XKR6: variants seen among roughly 807,000 people sequenced by gnomAD.
XKR6 encodes the protein XK-related protein 6.
Under a neutral mutation model 56.7 loss-of-function variants are expected in XKR6, and 22 were observed. That is an observed-to-expected ratio of 0.39 (90% CI 0.28 to 0.55). The LOEUF (loss-of-function observed/expected upper bound fraction) is 0.55. Among genes scored for constraint, XKR6 ranks in the 20% least tolerant of loss-of-function variants. The probability of loss-of-function intolerance (pLI) is 0.66; values close to 1 mark genes in which losing one functional copy is unlikely to be tolerated. For missense variants in XKR6, 852 were observed against 889.0 expected (o/e 0.96, Z 0.53); for synonymous variants, 524 against 387.8 (o/e 1.35, Z -4.13).
chr8:11,028,146 A>C (rs1798913067), intron 1 of XKR6, among the ~76,000 whole-genome samples: 1 of 152,142 alleles, frequency 6.6e-6, no homozygotes, highest in African/African-American at 2.4e-5. Flanking sequence ...AACCCCGGCA[A>C]CCACCGAGAT....
At chr8:11,083,730 G>C (rs530556182) in intron 1 of XKR6, among the ~76,000 whole-genome samples, 2 of 152,178 alleles carry the variant, frequency 1.3e-5, no homozygotes, top group African/African-American at 2.4e-5. Context: ...GGAATGCTTA[G>C]TATCAATAAG....
At chr8:11,102,977 T>A (rs977067376) in intron 1 of XKR6, among the ~76,000 whole-genome samples, 1 of 152,186 alleles carries the variant, frequency 6.6e-6, no homozygotes, top group African/African-American at 2.4e-5. Flanking sequence ...ACACAAAGAT[T>A]AGAGAAACGG....
chr8:11,152,365 C>T (rs139129934), intron 1 of XKR6, among the ~76,000 whole-genome samples: 58 of 152,250 alleles, frequency 3.8e-4, no homozygotes, highest in Admixed American at 9.2e-4. Flanking sequence ...CTTATCTACG[C>T]CAGTCAAGGT....
chr8:10,993,207 G>A (rs1239168235), intron 1 of XKR6, among the ~76,000 whole-genome samples: 1 of 152,226 alleles, frequency 6.6e-6, no homozygotes, highest in Non-Finnish European at 1.5e-5. Context: ...TAGCTCTCGC[G>A]CCCAGGCGAG....
intron 1 of XKR6, chr8:11,137,836 T>C: frequency 2.7e-6 from 1 of 369,574 alleles, no homozygotes; most frequent in Non-Finnish European, 5.3e-6. Flanking sequence ...AATCTTCAAT[T>C]AAGGCAAATG....
Position 11,089,117 on chromosome 8 carries a change from C to A in XKR6, c.764+111459G>T, listed in dbSNP as rs374654404. 8.9e-4 allele frequency among the ~76,000 whole-genome samples: 136 copies of A among 152,240 alleles called. 2 individuals carry two copies. The highest frequency in any genetic ancestry group is 3.2e-3 in the African/African-American group (133 of 41,548). On this transcript the variant is annotated intron_variant, in intron 1 of 2. Transcript: ENST00000416569. ...TAGGACGTGACCTGGGACCCTACGG[C>A]TGGAACATCAGGTCCACTGGAGCAT... is the stretch of plus-strand genomic sequence containing the variant.
At chr8:11,173,474 C>G (rs1802490379) in intron 1 of XKR6, among the ~76,000 whole-genome samples, 1 of 151,832 alleles carries the variant, frequency 6.6e-6, no homozygotes, top group Non-Finnish European at 1.5e-5. Flanking sequence ...GATGGCACAG[C>G]ATCGTCAGAA....
intron 1 of XKR6, among the ~76,000 whole-genome samples, chr8:11,160,015 T>G (rs1695900403): frequency 6.6e-6 from 1 of 152,226 alleles, no homozygotes; most frequent in African/African-American, 2.4e-5. Flanking sequence ...TAGGAGCTGC[T>G]GATATGTGAG....
Position 11,200,894 on chromosome 8 carries a change from A to T in XKR6, c.446T>A (p.Leu149Gln). 1.2e-6 allele frequency: 2 copies of T among 1,610,926 alleles called. No homozygotes were observed. The highest frequency in any genetic ancestry group is 1.7e-6 in the Non-Finnish European group (2 of 1,179,326). Reference sequence around the variant, plus strand: ...CCCCTTGCGGTAGTAGTCGAGGGCCAGCCACAGGTCGGTGCCCACGTCCCC... The same window carrying T: ...CCCCTTGCGGTAGTAGTCGAGGGCCTGCCACAGGTCGGTGCCCACGTCCCC... Reference protein sequence around the residue: ...FFGDVGTDLWLALDYYRKGDY... With the variant: ...FFGDVGTDLWQALDYYRKGDY... Residue 149 changes from leucine (L) to glutamine (Q), a missense_variant, in exon 1 of 3, where the codon CTG (leucine) becomes CAG (glutamine). Coordinates refer to ENST00000416569, the MANE Select transcript of XKR6 (RefSeq NM_173683.4). This position sits in a 1 kb window ranked among gnomAD's most constrained non-coding sequence, Gnocchi z 6.4.
In XKR6 at chr8:10,898,714, G is replaced by A; in HGVS notation, c.1164C>T (p.Ile388=). ...FASIFQLYFG[I]FVVVHWCAMA... The stretch of plus-strand genomic sequence containing the variant: ...TGGCGCACCAGTGAACCACCACGAA[G>A]ATCCCAAAATAGAGCTGGAAGATGG... Residue 388 remains isoleucine (I), a synonymous_variant, in exon 3 of 3, where the codon ATC becomes ATT. Coordinates refer to ENST00000416569, the MANE Select transcript of XKR6 (RefSeq NM_173683.4). This position sits in a 1 kb window ranked among gnomAD's most constrained non-coding sequence, Gnocchi z 6.6. The A allele has an allele frequency of 6.2e-7, 1 of 1,614,034 alleles. No individual in the cohort carries two copies. Among genetic ancestry groups the A allele is most frequent in the Non-Finnish European group, 8.5e-7 (1 of 1,180,016 alleles).
At chr8:11,091,247 A>G (rs1798059274) in intron 1 of XKR6, among the ~76,000 whole-genome samples, 1 of 152,122 alleles carries the variant, frequency 6.6e-6, no homozygotes, top group South Asian at 2.1e-4. Context: ...CCTGGCTAAC[A>G]CAGTGAGACC....
intron 1 of XKR6, among the ~76,000 whole-genome samples, chr8:11,025,346 T>C (rs1033999755): frequency 2.0e-5 from 3 of 152,240 alleles, no homozygotes; most frequent in East Asian, 1.9e-4. Flanking sequence ...CTTTATAATA[T>C]GCTTCCTTTC....
At chr8:10,958,316 A>G (rs116807689) in intron 1 of XKR6, among the ~76,000 whole-genome samples, 27,175 of 151,860 alleles carry the variant, frequency 0.18, 3,154 homozygotes, top group African/African-American at 0.33. Context: ...GGGCTTGGGG[A>G]GCATGTGAGT....
At chr8:11,110,011 C>A (rs950600229) in intron 1 of XKR6, among the ~76,000 whole-genome samples, 1 of 152,140 alleles carries the variant, frequency 6.6e-6, no homozygotes, top group Admixed American at 6.6e-5. Flanking sequence ...CTTACTCTGT[C>A]GCCCAGGCTG....
At chr8:11,108,493 C>T (rs1798765563) in intron 1 of XKR6, 1 of 383,160 alleles carries the variant, frequency 2.6e-6, no homozygotes, top group Non-Finnish European at 5.1e-6. Context: ...TAGTACTCAA[C>T]TTATGAAATA....
chr8:11,099,638 G>A (rs1046998653), intron 1 of XKR6, among the ~76,000 whole-genome samples: 9 of 152,208 alleles, frequency 5.9e-5, no homozygotes, highest in African/African-American at 1.9e-4. Flanking sequence ...GGCAATGAAG[G>A]ATTTACTCAT....
intron 1 of XKR6, among the ~76,000 whole-genome samples, chr8:10,980,592 A>G (rs1166180238): frequency 2.0e-5 from 3 of 152,232 alleles, no homozygotes; most frequent in African/African-American, 7.2e-5. Context: ...TCGATCTACC[A>G]TGGATTAGGA....
chr8:11,126,502 T>A (rs1799806793), intron 1 of XKR6, among the ~76,000 whole-genome samples: 1 of 152,216 alleles, frequency 6.6e-6, no homozygotes, highest in Non-Finnish European at 1.5e-5. Context: ...ATTAGTCTGG[T>A]TTTTGATTAT....
At chr8:10,901,043 G>C (rs931845252) in intron 2 of XKR6, among the ~76,000 whole-genome samples, 2 of 145,708 alleles carry the variant, frequency 1.4e-5, no homozygotes, top group Admixed American at 6.9e-5. Flanking sequence ...TGTAGAGACA[G>C]AGTTTCTACT....
Sources: gnomAD v4.1 joint callset for allele counts (sites outside exome capture counted in the v4.1 genomes callset) on GRCh38, gnomAD v4.1.1 for gene constraint, Gnocchi (gnomAD v3.1) non-coding constraint, MANE v1.5 for transcripts, NCBI Gene and HGNC (gene_info 2026-07-23, HGNC 2026-07-21) for gene names.